The following CELA1 variants were observed in gnomAD, a reference collection of about 807,000 sequenced individuals.
CELA1 encodes chymotrypsin-like elastase family member 1.
A neutral mutation model predicts 34.8 loss-of-function variants in CELA1; 28 were observed. The ratio of observed to expected loss-of-function variants is 0.80; its 90% CI spans 0.60 to 1.10. The LOEUF (loss-of-function observed/expected upper bound fraction) is 1.10. Among genes scored for constraint, CELA1 ranks in the 50% least tolerant of loss-of-function variants. The pLI is 0.00. For synonymous variants in CELA1, 140 were observed against 129.8 expected, an observed-to-expected ratio of 1.08 and a Z score of -0.53; for missense variants, 288 against 327.5, an observed-to-expected ratio of 0.88 and a Z score of 0.93.
At chr12:51,330,863 G>A (rs17860355) in intron 6 of CELA1, among the ~76,000 whole-genome samples, 3 of 150,978 alleles carry the variant, frequency 2.0e-5, no homozygotes, top group African/African-American at 2.4e-5. Flanking sequence ...CCAGCTACTC[G>A]GGAGGCTGAG....
intron 6 of CELA1, among the ~76,000 whole-genome samples, chr12:51,336,891 A>C (rs1032928345): frequency 6.6e-6 from 1 of 152,224 alleles, no homozygotes; most frequent in Non-Finnish European, 1.5e-5. Flanking sequence ...AGATCATTGC[A>C]ATAGCCCTCT....
At chr12:51,339,625 G>A (rs1275394823) in intron 6 of CELA1, among the ~76,000 whole-genome samples, 2 of 152,128 alleles carry the variant, frequency 1.3e-5, no homozygotes, top group Non-Finnish European at 2.9e-5. Context: ...GTTGGGCCAC[G>A]TACAAACTTT....
At chr12:51,337,539 C>CA (rs33950532) in intron 6 of CELA1, among the ~76,000 whole-genome samples, 16,510 of 69,370 alleles carry the variant, frequency 0.24, 3,953 homozygotes, top group Middle Eastern at 0.28. Flanking sequence ...CTTATCTCTT[C>CA]AAAAAAAAAA....
In CELA1 at chr12:51,338,646, C is replaced by T. The variant is rs117057194; in HGVS notation, c.609+1214G>A. On this transcript the variant is annotated intron_variant, in intron 6 of 7. Coordinates refer to ENST00000293636, the MANE Select transcript of CELA1 (RefSeq NM_001971.6). ...ACCTACCCTTGGGCTTCCATATCAC[C>T]TGTGCACATCCTGATTATTAACACT... Among the ~76,000 whole-genome samples the T allele has an allele frequency of 8.6e-3, 1,313 of 152,310 alleles. 56 individuals are homozygous for T. The East Asian group carries it at 0.14, about 16-fold the overall frequency.
intron 6 of CELA1, among the ~76,000 whole-genome samples, chr12:51,337,539 C>CAAAAAAAAA (rs33950532): frequency 1.4e-5 from 1 of 69,364 alleles, no homozygotes; most frequent in Non-Finnish European, 2.4e-5. Flanking sequence ...CTTATCTCTT[C>CAAAAAAAAA]AAAAAAAAAA....
In CELA1 at chr12:51,340,001, A is replaced by G. The variant is rs764175130; in HGVS notation, c.468T>C (p.Asn156=). 6.2e-7 allele frequency: 1 copy of G among 1,613,328 alleles called. No individual in the cohort carries two copies. The highest frequency in any genetic ancestry group is 8.5e-7 in the Non-Finnish European group (1 of 1,179,612). The stretch of plus-strand genomic sequence containing the variant: ...GCTGCAGGGTCTGGGCCAGCTGCCC[A>G]TTGGCTGAACAGGACACACGGCATT... ...YITGWGKTKT[N]GQLAQTLQQA... is the part of the protein sequence containing the mutation. The change falls in exon 6 of 8, where the codon AAT becomes AAC. Residue 156 remains asparagine (N), a synonymous_variant. Coordinates refer to ENST00000293636, the MANE Select transcript of CELA1 (RefSeq NM_001971.6).
rs534193287 is a variant in CELA1 at position 51,329,100 on chromosome 12, A to C, written c.760-506T>G. Among the ~76,000 whole-genome samples, 143 of 152,102 alleles carry C rather than the reference A, an allele frequency of 9.4e-4. 1 individual carries two copies. Among genetic ancestry groups the C allele is most frequent in the Non-Finnish European group, 1.3e-3 (85 of 67,980 alleles). ...ACCCGATCTCTACTAAAAATACAAA[A>C]AAAATTTACCAGGTTTGGTGGTGCA... On this transcript the variant is annotated intron_variant, in intron 7 of 7. Transcript: ENST00000293636.
chr12:51,345,686 AT>A (rs914589831), intron 2 of CELA1, 108 bp downstream of exon 2: 2 of 844,906 alleles, frequency 2.4e-6, no homozygotes, highest in Admixed American at 4.0e-5. Context: ...AACCTAGACA[AT>A]TGGAGAGCTG....
intron 6 of CELA1, 143 bp downstream of exon 6, chr12:51,339,717 A>G (rs1946521890): frequency 1.4e-6 from 1 of 736,120 alleles, no homozygotes; most frequent in Non-Finnish European, 2.2e-6. Flanking sequence ...CCAGCACAGG[A>G]TCATTCTCAC....
chr12:51,344,676 C>T (rs768968361), intron 2 of CELA1, among the ~76,000 whole-genome samples: 2 of 151,656 alleles, frequency 1.3e-5, no homozygotes, highest in Non-Finnish European at 2.9e-5. Flanking sequence ...GGTGACAGAG[C>T]GAGACTCCAT....
intron 5 of CELA1, among the ~76,000 whole-genome samples, 165 bp downstream of exon 5, chr12:51,341,079 C>T (rs1292306123): frequency 3.2e-4 from 49 of 152,216 alleles, no homozygotes; most frequent in Admixed American, 2.1e-3. Flanking sequence ...AACTACTTCA[C>T]AGCCCATTCT....
chr12:51,329,346 T>G lies in CELA1; in HGVS notation c.759+338A>C, dbSNP rs1302315576. Among the ~76,000 whole-genome samples the G allele has an allele frequency of 1.3e-5, 2 of 151,872 alleles. 1 individual carries two copies. Among genetic ancestry groups the G allele is most frequent in the Non-Finnish European group, 2.9e-5 (2 of 67,968 alleles). ...GAAGTCGGTGCCTCCTTCCCTTGCC[T>G]AGGAGTACGCAGGCCTTTCTGAACC... On this transcript the variant is annotated intron_variant, in intron 7 of 7. Coordinates refer to ENST00000293636, the MANE Select transcript of CELA1 (RefSeq NM_001971.6).
chr12:51,339,713 C>T, intron 6 of CELA1, 147 bp downstream of exon 6: 1 of 706,844 alleles, frequency 1.4e-6, no homozygotes, highest in African/African-American at 1.8e-5. Context: ...ATTACCAGCA[C>T]AGGATCATTC....
At chr12:51,335,279 C>T (rs1301304584) in intron 6 of CELA1, among the ~76,000 whole-genome samples, 3 of 152,210 alleles carry the variant, frequency 2.0e-5, no homozygotes, top group Non-Finnish European at 2.9e-5. Context: ...TTTTTTGAGA[C>T]GGAGTCTCAC....
intron 7 of CELA1, 76 bp from the exon 8 acceptor site, chr12:51,328,670 TA>T: frequency 6.5e-7 from 1 of 1,538,178 alleles, no homozygotes; most frequent in East Asian, 2.2e-5. Context: ...GGCTCCCAGT[TA>T]AGTATGGTTT....
rs199868905 is a variant in CELA1 at position 51,328,643 on chromosome 12, C to T, written c.760-49G>A. ...ACAGTCAGTAACTCCTGCCTACCTC[C>T]TTTCTTGTTTCCTCAGGGCTCCCAG... On this transcript the variant is annotated intron_variant, in intron 7 of 7. Transcript: ENST00000293636. 3.1e-6 allele frequency: 5 copies of T among 1,608,392 alleles called. No individual in the cohort carries two copies. The East Asian group carries it at 6.7e-5, about 22-fold the overall frequency.
chr12:51,334,520 A>C (rs1592295915), intron 6 of CELA1, among the ~76,000 whole-genome samples: 1 of 151,278 alleles, frequency 6.6e-6, no homozygotes, highest in Non-Finnish European at 1.5e-5. Flanking sequence ...TGCAAGCTCC[A>C]CCTCCCCGGT....
intron 6 of CELA1, among the ~76,000 whole-genome samples, chr12:51,334,810 T>C (rs1277433853): frequency 2.0e-5 from 3 of 152,176 alleles, no homozygotes; most frequent in Admixed American, 1.3e-4. Flanking sequence ...ACCTTGCAGT[T>C]GATCTGCAAT....
rs370264288 is a variant in CELA1, at chr12:51,339,875, A to G, written c.594T>C (p.Val198=). 2.5e-6 allele frequency: 4 copies of G among 1,613,558 alleles called. No individual in the cohort carries two copies. The African/African-American group carries it at 5.3e-5, about 22-fold the overall frequency. Residue 198 remains valine, a synonymous_variant, in exon 6 of 8, where the codon GTT becomes GTC. Coordinates refer to ENST00000293636, the MANE Select transcript of CELA1 (RefSeq NM_001971.6). ...NTMVCAGGDG[V]RSGCQGDSGG... is the part of the protein sequence containing the mutation. ...AAATGTTCACCTGGCATCCAGAGCG[A>G]ACTCCATCTCCACCAGCACACACCA...
Sources: gnomAD v4.1 joint callset for allele counts (sites outside exome capture counted in the v4.1 genomes callset) on GRCh38, gnomAD v4.1.1 for gene constraint, MANE v1.5 for transcripts, NCBI Gene and HGNC (gene_info 2026-07-23, HGNC 2026-07-21) for gene names.